Variants in CHUK observed in about 807,000 individuals in gnomAD.
The protein encoded by CHUK is component of inhibitor of nuclear factor kappa B kinase complex.
A neutral mutation model predicts 104.8 loss-of-function variants in CHUK; 35 were observed. The observed-to-expected ratio is 0.33, with a 90% CI of 0.26 to 0.44. The LOEUF is 0.44. Ranked by LOEUF, CHUK falls within the 20% of genes least tolerant of loss-of-function variation. CHUK has a pLI of 1.00. For synonymous variants in CHUK, 276 were observed against 291.9 expected (o/e 0.95, Z 0.56); for missense variants, 663 against 902.7 (o/e 0.73, Z 3.40).
intron 18 of CHUK, 85 bp from the exon 19 acceptor site, chr10:100,193,516 T>A: frequency 6.7e-7 from 1 of 1,494,672 alleles, no homozygotes; most frequent in East Asian, 2.3e-5. Flanking sequence ...TCCTAAGACT[T>A]ACATTTCCGT....
chr10:100,218,145 A>AAATAGGGT lies in CHUK; in HGVS notation c.798-23_798-16dup, dbSNP rs770189979. On this transcript the variant is annotated splice_polypyrimidine_tract_variant and intron_variant, in intron 8 of 20. Coordinates refer to ENST00000370397, the MANE Select transcript of CHUK (RefSeq NM_001278.5). Reference sequence around the variant, plus strand: ...CTACTACTAAACTAGAAAACATACAAAATAGGGTGAAAATCAAATCATTAT... The same window carrying AAATAGGGT: ...CTACTACTAAACTAGAAAACATACAAAATAGGGTAATAGGGTGAAAATCAAATCATTAT... The AAATAGGGT allele has an allele frequency of 1.9e-6, 3 of 1,600,556 alleles. No individual in the cohort carries two copies. In the South Asian group the frequency reaches 3.3e-5, roughly 18 times the overall value.
In CHUK at chr10:100,188,943, A is replaced by C. The variant is rs1468519232; in HGVS notation, c.*655T>G. On this transcript the variant is annotated 3_prime_UTR_variant, in exon 21 of 21. Coordinates refer to ENST00000370397, the MANE Select transcript of CHUK (RefSeq NM_001278.5). ...TACATCTTAAATACATATACACACA[A>C]CAACATGATTTATGAAAGCCAACTA... The C allele has an allele frequency of 6.6e-6, 1 of 152,228 alleles. No individual in the cohort carries two copies. Among genetic ancestry groups the C allele is most frequent in the Admixed American group, 6.5e-5 (1 of 15,292 alleles). The allele number at this position is 152,228 out of a possible 1,614,324, so 9.4% of individuals were successfully genotyped here.
chr10:100,204,744 G>T, intron 12 of CHUK, 87 bp from the exon 13 acceptor site: 1 of 1,097,388 alleles, frequency 9.1e-7, no homozygotes, highest in Non-Finnish European at 1.3e-6. Flanking sequence ...AACATAAACT[G>T]CCACAAGGCC....
At chr10:100,223,660 A>G (rs890601652) in intron 2 of CHUK, among the ~76,000 whole-genome samples, 1 of 152,286 alleles carries the variant, frequency 6.6e-6, no homozygotes, top group Admixed American at 6.5e-5. Context: ...TTCCATGTAC[A>G]TGTAGGACCT....
intron 1 of CHUK, among the ~76,000 whole-genome samples, chr10:100,228,989 G>GCA (rs1227394582): frequency 1.9e-4 from 14 of 73,836 alleles, no homozygotes; most frequent in Middle Eastern, 7.1e-3. Flanking sequence ...GCGCGCGCGC[G>GCA]CGCGCACACA....
At chr10:100,218,424 T>G (rs1845911365) in intron 8 of CHUK, among the ~76,000 whole-genome samples, 2 of 152,232 alleles carry the variant, frequency 1.3e-5, no homozygotes, top group African/African-American at 2.4e-5. Context: ...AGGACATATG[T>G]CAAACAGTTA....
At chr10:100,209,326 C>T (rs543916465) in intron 10 of CHUK, among the ~76,000 whole-genome samples, 98 of 152,160 alleles carry the variant, frequency 6.4e-4, no homozygotes, top group African/African-American at 2.1e-3. Flanking sequence ...GTTATTGGGC[C>T]GCGAGAGTAA....
intron 9 of CHUK, among the ~76,000 whole-genome samples, chr10:100,210,144 G>A (rs1845696212): frequency 6.8e-6 from 1 of 147,322 alleles, no homozygotes; most frequent in Admixed American, 6.7e-5. Flanking sequence ...CTGGAGTGCA[G>A]TGGCGGGATC....
chr10:100,219,370 A>G lies in CHUK; in HGVS notation c.475-11T>C, dbSNP rs2134244213. The G allele has an allele frequency of 7.5e-7, 1 of 1,329,616 alleles. No homozygotes were observed. The highest frequency in any genetic ancestry group is 1.1e-6 in the Non-Finnish European group (1 of 921,470). 82.4% of individuals were successfully genotyped at this position (1,329,616 alleles called of 1,614,324 possible). On this transcript the variant is annotated splice_polypyrimidine_tract_variant and intron_variant, in intron 5 of 20. Coordinates refer to ENST00000370397, the MANE Select transcript of CHUK (RefSeq NM_001278.5). ...TATTTTATGTATTATCTGCAAAATA[A>G]TAAGACAGATTAAGTATTAAATGGT... is the stretch of plus-strand genomic sequence containing the variant.
chr10:100,210,783 C>G (rs923407035), intron 9 of CHUK, among the ~76,000 whole-genome samples: 2 of 152,140 alleles, frequency 1.3e-5, no homozygotes, highest in African/African-American at 2.4e-5. Context: ...AAGTAAGAAC[C>G]GTTTTATCAC....
intron 8 of CHUK, among the ~76,000 whole-genome samples, 188 bp from the exon 9 acceptor site, chr10:100,218,318 A>G: frequency 6.6e-6 from 1 of 152,336 alleles, no homozygotes; most frequent in African/African-American, 2.4e-5. Context: ...AAACTACTCA[A>G]AACTCCACAT....
intron 12 of CHUK, 54 bp from the exon 13 acceptor site, chr10:100,204,711 G>A: frequency 7.1e-7 from 1 of 1,418,154 alleles, no homozygotes; most frequent in South Asian, 1.2e-5. Context: ...TCAGCATTCA[G>A]AAACATTGAA....
At chr10:100,192,307 T>G (rs1277760338) in intron 19 of CHUK, among the ~76,000 whole-genome samples, 1 of 152,248 alleles carries the variant, frequency 6.6e-6, no homozygotes, top group African/African-American at 2.4e-5. Context: ...TAAATTTTAC[T>G]TCCTTCAACT....
chr10:100,190,795 A>G, intron 20 of CHUK, 74 bp downstream of exon 20: 1 of 853,206 alleles, frequency 1.2e-6, no homozygotes, highest in East Asian at 2.4e-5. Flanking sequence ...ATGCCAGATA[A>G]GGCTAGCATG....
rs750259435 is a variant in CHUK, at chr10:100,229,380, C to T, written c.105+48G>A. 3 of 1,399,510 alleles carry T rather than the reference C, an allele frequency of 2.1e-6. No homozygotes were observed. In the South Asian group the frequency reaches 3.5e-5, roughly 16 times the overall value. 86.7% of individuals were successfully genotyped at this position (1,399,510 alleles called of 1,614,324 possible). On this transcript the variant is annotated intron_variant, in intron 1 of 20. Coordinates refer to ENST00000370397, the MANE Select transcript of CHUK (RefSeq NM_001278.5). The stretch of plus-strand genomic sequence containing the variant: ...CCCTGTGTTCCACAGACGCTCAAAC[C>T]CACCGCCGCTCCAACCCACCGCCGC...
At chr10:100,219,661 T>C (rs11595324) in intron 5 of CHUK, among the ~76,000 whole-genome samples, 4,148 of 152,202 alleles carry the variant, frequency 0.027, 79 homozygotes, top group Non-Finnish European at 0.041. Flanking sequence ...ATGGTAAAAA[T>C]TGAATACAGG....
chr10:100,228,186 T>G (rs894752934), intron 1 of CHUK, among the ~76,000 whole-genome samples: 27 of 152,220 alleles, frequency 1.8e-4, no homozygotes, highest in Non-Finnish European at 2.8e-4. Context: ...ATACTTACTT[T>G]ACAGGCAACA....
chr10:100,220,612 T>G lies in CHUK; in HGVS notation c.450A>C (p.Ile150=), dbSNP rs375635899. 4 of 1,612,092 alleles carry G rather than the reference T, an allele frequency of 2.5e-6. No homozygotes were observed. Among genetic ancestry groups the G allele is most frequent in the Non-Finnish European group, 3.4e-6 (4 of 1,178,304 alleles). Residue 150 remains isoleucine, a synonymous_variant, in exon 5 of 21, where the codon ATA becomes ATC. Transcript: ENST00000370397. ...CCTTTCCACCAACATCCTGAAGAAC[T>G]ATGTTTTCAGGTTTTAGATCTCGAT... ...IIHRDLKPEN[I]VLQDVGGKII...
At position 100,220,649 on chromosome 10, in the gene CHUK, T is replaced by C. The variant is rs572476055; in HGVS notation, c.413A>G (p.Asn138Ser). 6.2e-7 allele frequency: 1 copy of C among 1,611,588 alleles called. No individual in the cohort carries two copies. The highest frequency in any genetic ancestry group is 1.3e-5 in the African/African-American group (1 of 74,998). ...TTTTAGATCTCGATGTATAATTTTG[T>C]TTTCATGCAAATATCGAATCCCAGA... is the stretch of plus-strand genomic sequence containing the variant. ...IGSGIRYLHE[N>S]KIIHRDLKPE... is the part of the protein sequence containing the mutation. The change falls in exon 5 of 21, where the codon AAC (asparagine) becomes AGC (serine). Residue 138 changes from asparagine to serine, a missense_variant. Asn to Ser is a conservative substitution (Grantham distance 46). Around this residue, in one of 5 missense-constraint regions of CHUK, gnomAD observed 200 missense variants for 333.0 expected, o/e 0.60. Coordinates refer to ENST00000370397, the MANE Select transcript of CHUK (RefSeq NM_001278.5).
Sources: gnomAD v4.1 joint callset for allele counts (sites outside exome capture counted in the v4.1 genomes callset) on GRCh38, gnomAD v4.1.1 for gene constraint, gnomAD v4.1.1 regional missense constraint, MANE v1.5 for transcripts, NCBI Gene and HGNC (gene_info 2026-07-23, HGNC 2026-07-21) for gene names.